MGAT5: variants seen among roughly 807,000 people sequenced by gnomAD.
MGAT5 encodes alpha-1,6-mannosylglycoprotein 6-beta-N-acetylglucosaminyltransferase, also known as alpha-1,6-mannosylglycoprotein 6-beta-N-acetylglucosaminyltransferase A.
A neutral mutation model predicts 94.3 loss-of-function variants in MGAT5; 30 were observed. The ratio of observed to expected loss-of-function variants is 0.32; its 90% CI spans 0.24 to 0.43. The LOEUF (loss-of-function observed/expected upper bound fraction) is 0.43, where lower values mean the gene tolerates loss of function less well. Among genes scored for constraint, MGAT5 ranks in the 20% least tolerant of loss-of-function variants. The probability of loss-of-function intolerance (pLI) is 1.00; values close to 1 mark genes in which losing one functional copy is unlikely to be tolerated. For synonymous variants in MGAT5, 310 were observed against 322.9 expected, an observed-to-expected ratio of 0.96 and a Z score of 0.43; for missense variants, 691 against 905.5, an observed-to-expected ratio of 0.76 and a Z score of 3.04.
chr2:134,156,013 G>T (rs966129048), intron 1 of MGAT5, among the ~76,000 whole-genome samples: 3 of 152,036 alleles, frequency 2.0e-5, no homozygotes, highest in Non-Finnish European at 4.4e-5. Context: ...GTATTCATCC[G>T]TAGGCTTGCT....
At chr2:134,384,558 T>C (rs1388934627) in intron 10 of MGAT5, among the ~76,000 whole-genome samples, 1 of 152,248 alleles carries the variant, frequency 6.6e-6, no homozygotes, top group Non-Finnish European at 1.5e-5. Context: ...TTTATAACTA[T>C]TTGATTTTTA....
Position 134,441,924 on chromosome 2 carries a change from C to T in MGAT5, c.2027+9C>T, listed in dbSNP as rs557166627. On this transcript the variant is annotated intron_variant, in intron 15 of 15. Transcript: ENST00000281923. ...GACAAGGACATGCTGAAGTAAGTGCCCTGGGGTGGGGGTGGGGACTCAGCC... is the reference window on the plus strand; with the variant it reads ...GACAAGGACATGCTGAAGTAAGTGCTCTGGGGTGGGGGTGGGGACTCAGCC... 6.2e-7 allele frequency: 1 copy of T among 1,602,734 alleles called. No homozygotes were observed. Among genetic ancestry groups the T allele is most frequent in the South Asian group, 1.1e-5 (1 of 90,696 alleles).
chr2:134,207,939 C>T (rs111553501), intron 1 of MGAT5, among the ~76,000 whole-genome samples: 67 of 152,336 alleles, frequency 4.4e-4, no homozygotes, highest in Non-Finnish European at 7.9e-4. Context: ...TGCTTCTCAG[C>T]TGGCCAGTGG....
At chr2:134,415,362 A>G (rs1426150572) in intron 12 of MGAT5, among the ~76,000 whole-genome samples, 1 of 152,212 alleles carries the variant, frequency 6.6e-6, no homozygotes, top group Non-Finnish European at 1.5e-5. Context: ...CATCTCCCTG[A>G]TGATGAAAGA....
rs779390816 is a variant in MGAT5 at position 134,428,345 on chromosome 2, A to T, written c.1795-20A>T. 2 of 1,611,054 alleles carry T rather than the reference A, an allele frequency of 1.2e-6. No homozygotes were observed. Among genetic ancestry groups the T allele is most frequent in the Non-Finnish European group, 1.7e-6 (2 of 1,177,332 alleles). On this transcript the variant is annotated intron_variant, in intron 13 of 15. Coordinates refer to ENST00000281923, the MANE Select transcript of MGAT5 (RefSeq NM_002410.5). ...GTTCTCTGTCCTTCTCCTTCATGGT[A>T]TCATGCTCTGTTTCCACAGATTGAG...
At chr2:134,121,624 A>G (rs773402651) in intron 1 of MGAT5, among the ~76,000 whole-genome samples, 5 of 152,158 alleles carry the variant, frequency 3.3e-5, no homozygotes, top group African/African-American at 1.2e-4. Context: ...CTGGCGGCCC[A>G]GTTAGGGAAG....
chr2:134,441,842 G>C lies in MGAT5; in HGVS notation c.1954G>C (p.Val652Leu). ...LAEPGQSCKQ[V>L]CQESQLICEP... ...TGAGCCCGGGCAGTCCTGCAAGCAG[G>C]TGTGCCAGGAGAGCCAGCTCATCTG... Residue 652 changes from valine (V) to leucine (L), a missense_variant, in exon 15 of 16, where the codon GTG becomes CTG. Val to Leu is a conservative substitution (Grantham distance 32). Coordinates refer to ENST00000281923, the MANE Select transcript of MGAT5 (RefSeq NM_002410.5). 1 of 1,614,144 alleles carries C rather than the reference G, an allele frequency of 6.2e-7. No individual in the cohort carries two copies. The highest frequency in any genetic ancestry group is 8.5e-7 in the Non-Finnish European group (1 of 1,180,014).
chr2:134,331,117 G>T (rs551086239), intron 4 of MGAT5, among the ~76,000 whole-genome samples: 5 of 152,046 alleles, frequency 3.3e-5, no homozygotes, highest in Non-Finnish European at 7.4e-5. Flanking sequence ...AGTCTGACCA[G>T]ATTAGACTTC....
intron 1 of MGAT5, among the ~76,000 whole-genome samples, chr2:134,202,509 C>A (rs562759794): frequency 6.6e-6 from 1 of 152,308 alleles, no homozygotes; most frequent in East Asian, 1.9e-4. Context: ...TCACAAATTG[C>A]GCAGTCTAAA....
Position 134,365,656 on chromosome 2 carries a change from G to C in MGAT5, c.1380+3248G>C, listed in dbSNP as rs114786318. On this transcript the variant is annotated intron_variant, in intron 10 of 15. Coordinates refer to ENST00000281923, the MANE Select transcript of MGAT5 (RefSeq NM_002410.5). ...CAGTGGAGGGCCTGATAGAGTGGAA[G>C]ACACAGATAGAACTCCTGCAGCCTG... Among the ~76,000 whole-genome samples, 1,238 of 152,260 alleles carry C rather than the reference G, an allele frequency of 8.1e-3. 13 individuals are homozygous for C. The highest frequency in any genetic ancestry group is 0.029 in the African/African-American group (1,200 of 41,530).
At chr2:134,237,683 G>T (rs1401352619) in intron 1 of MGAT5, among the ~76,000 whole-genome samples, 1 of 30,018 alleles carries the variant, frequency 3.3e-5, no homozygotes, top group Admixed American at 3.1e-4. Flanking sequence ...TGCAGTTTTT[G>T]TTTTTGTTTT....
intron 14 of MGAT5, among the ~76,000 whole-genome samples, chr2:134,440,465 A>G (rs1685424748): frequency 6.6e-6 from 1 of 152,116 alleles, no homozygotes; most frequent in Non-Finnish European, 1.5e-5. Context: ...TGGCGTGTCT[A>G]CATGGTCCCA....
At chr2:134,126,559 TAAG>T (rs1685848201) in intron 1 of MGAT5, among the ~76,000 whole-genome samples, 1 of 152,264 alleles carries the variant, frequency 6.6e-6, no homozygotes, top group Non-Finnish European at 1.5e-5. Flanking sequence ...AAAGCTTAAC[TAAG>T]AAGAATCAGC....
chr2:134,358,336 T>C (rs969528517), intron 9 of MGAT5, among the ~76,000 whole-genome samples: 1 of 152,206 alleles, frequency 6.6e-6, no homozygotes, highest in African/African-American at 2.4e-5. Context: ...GATGAAAATG[T>C]AACTTATTTT....
chr2:134,153,347 C>G lies in MGAT5; in HGVS notation c.-143+33056C>G, dbSNP rs1031855713. ...GAGGCTTAATCAGGAGACCCTTGGT[C>G]TTCTTTCTTTTTTTTTATTATTAAA... On this transcript the variant is annotated intron_variant, in intron 1 of 16. Transcript: ENST00000409645. 6.6e-5 allele frequency among the ~76,000 whole-genome samples: 10 copies of G among 152,134 alleles called. No homozygotes were observed. In the East Asian group the frequency reaches 1.9e-3, roughly 29 times the overall value.
In MGAT5 at chr2:134,332,660, A is replaced by C. The variant is rs972217304; in HGVS notation, c.574-3557A>C. Among the ~76,000 whole-genome samples the C allele has an allele frequency of 1.8e-4, 27 of 152,280 alleles. No homozygotes were observed. The South Asian group carries it at 4.4e-3, about 25-fold the overall frequency. On this transcript the variant is annotated intron_variant, in intron 4 of 15. Transcript: ENST00000281923. Reference sequence around the variant, plus strand: ...ATCAGAGTGAACAGGCAACCTACGAAATGGGAGAAAATTTTCACAACCTAC... The same window carrying C: ...ATCAGAGTGAACAGGCAACCTACGACATGGGAGAAAATTTTCACAACCTAC...
intron 4 of MGAT5, among the ~76,000 whole-genome samples, chr2:134,331,453 G>T (rs1184781184): frequency 6.6e-6 from 1 of 152,076 alleles, no homozygotes; most frequent in Admixed American, 6.6e-5. Flanking sequence ...CTCCTCAATC[G>T]ATTGTTGTGT....
chr2:134,200,914 A>G (rs529307000), intron 1 of MGAT5, among the ~76,000 whole-genome samples: 1 of 152,158 alleles, frequency 6.6e-6, no homozygotes, highest in South Asian at 2.1e-4. Flanking sequence ...AGTCCCAGCT[A>G]TTCAGAAGGC....
chr2:134,163,110 C>T (rs562584531), intron 1 of MGAT5, among the ~76,000 whole-genome samples: 8 of 152,024 alleles, frequency 5.3e-5, no homozygotes, highest in Non-Finnish European at 7.4e-5. Flanking sequence ...AGTTACTACA[C>T]CCAGGAAGGA....
Sources: gnomAD v4.1 joint callset for allele counts (sites outside exome capture counted in the v4.1 genomes callset) on GRCh38, gnomAD v4.1.1 for gene constraint, MANE v1.5 for transcripts, NCBI Gene and HGNC (gene_info 2026-07-23, HGNC 2026-07-21) for gene names.